Variants in EPS15 observed in about 807,000 individuals in gnomAD.
EPS15 encodes the protein epidermal growth factor receptor pathway substrate 15.
A neutral mutation model predicts 113.8 loss-of-function variants in EPS15; 72 were observed. That is an observed-to-expected ratio of 0.63 (90% CI 0.52 to 0.77). EPS15 has a LOEUF of 0.77. Among genes scored for constraint, EPS15 ranks in the 30% least tolerant of loss-of-function variants. The pLI, the probability that EPS15 is intolerant of heterozygous loss-of-function variation, is 0.00. For synonymous variants in EPS15, 344 were observed against 363.4 expected, an observed-to-expected ratio of 0.95 and a Z score of 0.61; for missense variants, 1,048 against 1,045.8, an observed-to-expected ratio of 1.00 and a Z score of -0.03.
intron 9 of EPS15, 110 bp from the exon 10 acceptor site, chr1:51,447,215 A>T (rs1653136149): frequency 3.3e-6 from 3 of 899,600 alleles, no homozygotes; most frequent in Non-Finnish European, 5.0e-6. Context: ...ATTCTACCCT[A>T]CTAACTCAGA....
Position 51,356,756 on chromosome 1 carries a change from G to C in EPS15, c.2635C>G (p.Gln879Glu). The change falls in exon 25 of 25, where the codon CAA (glutamine) becomes GAA (glutamate). Residue 879 changes from glutamine to glutamate, a missense_variant. Gln to Glu is a conservative substitution (Grantham distance 29). Coordinates refer to ENST00000371733, the MANE Select transcript of EPS15 (RefSeq NM_001981.3). ...GCAATAGCCAGTTCTAAGTCTTCTT[G>C]TTCCTGCTGATTTAGTCGGGCAAGC... The part of the protein sequence containing the change: ...QRLARLNQQE[Q>E]EDLELAIALS... 6.2e-7 allele frequency: 1 copy of C among 1,613,882 alleles called. No homozygotes were observed. Among genetic ancestry groups the C allele is most frequent in the East Asian group, 2.2e-5 (1 of 44,864 alleles).
intron 13 of EPS15, among the ~76,000 whole-genome samples, chr1:51,414,029 C>G (rs887307468): frequency 6.6e-6 from 1 of 151,928 alleles, no homozygotes; most frequent in African/African-American, 2.4e-5. Flanking sequence ...GGATTACAAA[C>G]ATGAGCCACA....
rs183944591 is a variant in EPS15, at chr1:51,475,809, T to C, written c.76-2861A>G. On this transcript the variant is annotated intron_variant, in intron 2 of 24. Coordinates refer to ENST00000371733, the MANE Select transcript of EPS15 (RefSeq NM_001981.3). ...GTTTTCTTCTAGGGTTTTTATGGGT[T>C]TTAGGTCTAACATTTAAGTCTTTAA... Among the ~76,000 whole-genome samples, 37 of 152,326 alleles carry C rather than the reference T, an allele frequency of 2.4e-4. No homozygotes were observed. The East Asian group carries it at 6.7e-3, about 28-fold the overall frequency.
At chr1:51,489,224 G>T (rs981341740) in intron 1 of EPS15, among the ~76,000 whole-genome samples, 1 of 148,700 alleles carries the variant, frequency 6.7e-6, no homozygotes, top group Non-Finnish European at 1.5e-5. Context: ...TATAGCTATA[G>T]AAATGTAAAT....
intron 2 of EPS15, among the ~76,000 whole-genome samples, chr1:51,479,456 T>C (rs1250565350): frequency 6.6e-6 from 1 of 152,204 alleles, no homozygotes; most frequent in Non-Finnish European, 1.5e-5. Context: ...CCTAGTTCTG[T>C]CAGCTTGTCA....
intron 4 of EPS15, 70 bp downstream of exon 4, chr1:51,471,620 G>C (rs1655244269): frequency 7.9e-7 from 1 of 1,260,590 alleles, no homozygotes; most frequent in Non-Finnish European, 1.1e-6. Context: ...CAAAATACAA[G>C]AAAACCCTGC....
chr1:51,462,891 TTTTTC>T (rs1654574888), intron 7 of EPS15, among the ~76,000 whole-genome samples: 1 of 146,778 alleles, frequency 6.8e-6, no homozygotes, highest in Non-Finnish European at 1.5e-5. Flanking sequence ...TTTTTTTTTT[TTTTTC>T]TAAGACAGTC....
At chr1:51,444,571 T>C (rs1178984136) in intron 11 of EPS15, among the ~76,000 whole-genome samples, 1 of 152,232 alleles carries the variant, frequency 6.6e-6, no homozygotes, top group Non-Finnish European at 1.5e-5. Flanking sequence ...TTAATTTTTA[T>C]AGCTTTCCTT....
chr1:51,368,231 G>A (rs1029775357), intron 21 of EPS15, among the ~76,000 whole-genome samples: 16 of 152,188 alleles, frequency 1.1e-4, no homozygotes, highest in African/African-American at 2.9e-4. Flanking sequence ...AAGTGTGCCC[G>A]TATCTCTAAA....
chr1:51,505,731 A>T (rs536700550), intron 1 of EPS15, among the ~76,000 whole-genome samples: 1 of 152,316 alleles, frequency 6.6e-6, no homozygotes, highest in Non-Finnish European at 1.5e-5. Context: ...ACAATGGAGC[A>T]TAAAGCTACA....
chr1:51,500,260 T>C (rs527871093), intron 1 of EPS15, among the ~76,000 whole-genome samples: 1 of 152,230 alleles, frequency 6.6e-6, no homozygotes, highest in African/African-American at 2.4e-5. Flanking sequence ...AACACTGGTA[T>C]ACAAATGTGT....
intron 12 of EPS15, among the ~76,000 whole-genome samples, chr1:51,426,722 A>T (rs1440851538): frequency 6.6e-6 from 1 of 151,848 alleles, no homozygotes; most frequent in African/African-American, 2.4e-5. Context: ...GAGATGCAAC[A>T]TAAACTCTTC....
intron 12 of EPS15, among the ~76,000 whole-genome samples, chr1:51,433,498 T>C (rs1247962348): frequency 6.6e-6 from 1 of 152,230 alleles, no homozygotes; most frequent in African/African-American, 2.4e-5. Flanking sequence ...TATTGCCTCA[T>C]TAGAAGTAAG....
rs370290863 is a variant in EPS15, at chr1:51,369,698, TG to T, written c.2120-3670del. ...ATACGGTTTTTTGTGAAGGTGTACA[TG>T]AAAAAGCTACATTTTAGGTATATCA... On this transcript the variant is annotated intron_variant, in intron 21 of 24. Transcript: ENST00000371733. 1.1e-3 allele frequency among the ~76,000 whole-genome samples: 166 copies of T among 152,288 alleles called. 1 individual carries two copies. The highest frequency in any genetic ancestry group is 3.9e-3 in the African/African-American group (164 of 41,564).
Position 51,356,698 on chromosome 1 carries a change from C to A in EPS15, c.*2G>T. Reference sequence around the variant, plus strand: ...ATTGTTGCCAAAGAACAAGAGAATTCTTCATGCTTCTGATATCTCAGATTT... The same window carrying A: ...ATTGTTGCCAAAGAACAAGAGAATTATTCATGCTTCTGATATCTCAGATTT... On this transcript the variant is annotated 3_prime_UTR_variant, in exon 25 of 25. Transcript: ENST00000371733. The A allele has an allele frequency of 6.2e-7, 1 of 1,612,932 alleles. No individual in the cohort carries two copies. Among genetic ancestry groups the A allele is most frequent in the Non-Finnish European group, 8.5e-7 (1 of 1,179,514 alleles).
intron 23 of EPS15, among the ~76,000 whole-genome samples, 197 bp downstream of exon 23, chr1:51,363,669 T>C (rs1340046327): frequency 6.6e-6 from 1 of 152,240 alleles, no homozygotes; most frequent in Non-Finnish European, 1.5e-5. Context: ...AGACAGCTCA[T>C]GAAATTTATA....
At position 51,365,935 on chromosome 1, in the gene EPS15, T is replaced by G; in HGVS notation, c.2196+18A>C. ...AAACACAGTATGTTTTCCCTTCCCA[T>G]TAATTACTGTAGATTACCTTTGACA... On this transcript the variant is annotated intron_variant, in intron 22 of 24. Coordinates refer to ENST00000371733, the MANE Select transcript of EPS15 (RefSeq NM_001981.3). 1 of 1,537,478 alleles carries G rather than the reference T, an allele frequency of 6.5e-7. No individual in the cohort carries two copies. The highest frequency in any genetic ancestry group is 8.9e-7 in the Non-Finnish European group (1 of 1,118,294).
intron 9 of EPS15, 67 bp from the exon 10 acceptor site, chr1:51,447,172 A>G: frequency 7.4e-7 from 1 of 1,356,888 alleles, no homozygotes; most frequent in East Asian, 2.3e-5. Context: ...CACTCTTTCA[A>G]TCCATTACAA....
At chr1:51,496,374 A>C (rs914226894) in intron 1 of EPS15, among the ~76,000 whole-genome samples, 5 of 152,208 alleles carry the variant, frequency 3.3e-5, no homozygotes, top group Admixed American at 3.3e-4. Context: ...TAACATTTGA[A>C]CTTGATAACA....
Sources: gnomAD v4.1 joint callset for allele counts (sites outside exome capture counted in the v4.1 genomes callset) on GRCh38, gnomAD v4.1.1 for gene constraint, MANE v1.5 for transcripts, NCBI Gene and HGNC (gene_info 2026-07-23, HGNC 2026-07-21) for gene names.